Variants in MYPN observed in about 807,000 individuals in gnomAD.
MYPN encodes the protein sarcomeric protein myopalladin, 145 kDa (MYOP).
A neutral mutation model predicts 129.4 loss-of-function variants in MYPN; 63 were observed. The ratio of observed to expected loss-of-function variants is 0.49; its 90% CI spans 0.40 to 0.60. The LOEUF (loss-of-function observed/expected upper bound fraction) is 0.60, where lower values mean the gene tolerates loss of function less well. MYPN is among the 20% of genes least tolerant of loss of function. MYPN has a pLI of 0.00. For synonymous variants in MYPN, 629 were observed against 600.9 expected, an observed-to-expected ratio of 1.05 and a Z score of -0.68; for missense variants, 1,596 against 1,635.4, an observed-to-expected ratio of 0.98 and a Z score of 0.42.
At chr10:68,123,295 C>A (rs1158353587) in intron 2 of MYPN, among the ~76,000 whole-genome samples, 1 of 152,068 alleles carries the variant, frequency 6.6e-6, no homozygotes, top group East Asian at 1.9e-4. Context: ...GAGAGAATTT[C>A]TTGAACTTGG....
intron 1 of MYPN, among the ~76,000 whole-genome samples, chr10:68,098,072 C>G (rs1479395196): frequency 1.3e-5 from 2 of 152,072 alleles, no homozygotes; most frequent in East Asian, 3.9e-4. Flanking sequence ...ATGGTGAAAC[C>G]CTGTCTCTAC....
intron 2 of MYPN, among the ~76,000 whole-genome samples, chr10:68,142,541 T>C (rs2042593853): frequency 6.6e-6 from 1 of 152,210 alleles, no homozygotes. Flanking sequence ...ACGAGTGTCC[T>C]CAACTGTACG....
chr10:68,145,654 T>TAAAC (rs376105325), intron 4 of MYPN, 128 bp downstream of exon 4: 82 of 745,558 alleles, frequency 1.1e-4, no homozygotes, highest in East Asian at 6.3e-4. Context: ...AATAAATAAA[T>TAAAC]AAACAAACAA....
chr10:68,209,039 A>C (rs997870801), intron 19 of MYPN, among the ~76,000 whole-genome samples: 1 of 152,202 alleles, frequency 6.6e-6, no homozygotes, highest in African/African-American at 2.4e-5. Context: ...AGAGGTATGT[A>C]GACTGGAAAA....
chr10:68,174,418 G>A lies in MYPN; in HGVS notation c.2326G>A (p.Gly776Arg). The A allele has an allele frequency of 1.2e-6, 2 of 1,614,072 alleles. No individual in the cohort carries two copies. Among genetic ancestry groups the A allele is most frequent in the Non-Finnish European group, 1.7e-6 (2 of 1,180,024 alleles). ...SHPSVQTKSP[G>R]GLSIQNEPLP... is the part of the protein sequence containing the mutation. ...CCCCTCTGTGCAAACCAAATCTCCA[G>A]GAGGGCTTTCCATCCAAAATGAGCC... Residue 776 changes from glycine (G) to arginine (R), a missense_variant, in exon 11 of 20, where the codon GGA becomes AGA. By Grantham distance (125) the Gly-to-Arg change is moderately radical. Coordinates refer to ENST00000358913, the MANE Select transcript of MYPN (RefSeq NM_032578.4).
chr10:68,197,018 G>C (rs997045405), intron 15 of MYPN, among the ~76,000 whole-genome samples: 2 of 152,154 alleles, frequency 1.3e-5, no homozygotes, highest in East Asian at 1.9e-4. Context: ...ATTGAATACT[G>C]ATCTATTTGT....
At chr10:68,202,018 G>A (rs1414948327) in intron 18 of MYPN, 24 bp downstream of exon 18, 9 of 1,613,596 alleles carry the variant, frequency 5.6e-6, no homozygotes, top group East Asian at 2.2e-5. Flanking sequence ...CACATCCAGA[G>A]GGACTCCCAC....
Position 68,206,895 on chromosome 10 carries a change from A to G in MYPN, c.3785A>G (p.Asp1262Gly). The change falls in exon 19 of 20, where the codon GAT (aspartate) becomes GGT (glycine). Residue 1262 changes from aspartate to glycine, a missense_variant. Transcript: ENST00000358913. ...AGIVSCTARL[D>G]IYAQWHHQIP... ...ATCGTGTCGTGCACTGCCAGGCTGG[A>G]TATATACGGTAAGTGTAATGCTGTT... is the stretch of plus-strand genomic sequence containing the variant. 2 of 1,614,154 alleles carry G rather than the reference A, an allele frequency of 1.2e-6. No individual in the cohort carries two copies. The highest frequency in any genetic ancestry group is 2.2e-5 in the East Asian group (1 of 44,886).
chr10:68,126,324 A>G (rs1406889009), intron 2 of MYPN, among the ~76,000 whole-genome samples: 1 of 152,182 alleles, frequency 6.6e-6, no homozygotes, highest in Non-Finnish European at 1.5e-5. Flanking sequence ...TGGAAAGGAG[A>G]GTAGAGTCAG....
rs1371955272 is a variant in MYPN at position 68,136,647 on chromosome 10, T to C, written c.903-6293T>C. On this transcript the variant is annotated intron_variant, in intron 2 of 19. Coordinates refer to ENST00000358913, the MANE Select transcript of MYPN (RefSeq NM_032578.4). Reference sequence around the variant, plus strand: ...ATCTGAGTAAGGACAAAAACACTTCTGACAGAGAGTTTGGGCATTTGAATC... The same window carrying C: ...ATCTGAGTAAGGACAAAAACACTTCCGACAGAGAGTTTGGGCATTTGAATC... 3.3e-6 allele frequency: 5 copies of C among 1,534,602 alleles called. No individual in the cohort carries two copies. The African/African-American group carries it at 5.5e-5, about 17-fold the overall frequency.
At chr10:68,091,520 G>A (rs956825537) in intron 1 of MYPN, among the ~76,000 whole-genome samples, 3 of 148,488 alleles carry the variant, frequency 2.0e-5, no homozygotes, top group Admixed American at 1.4e-4. Flanking sequence ...TCAGCCTCTC[G>A]ATTAGCTAGG....
rs1331409608 is a variant in MYPN at position 68,174,100 on chromosome 10, G to A, written c.2008G>A (p.Val670Ile). The change falls in exon 11 of 20, where the codon GTC (valine) becomes ATC (isoleucine). Residue 670 changes from valine (V) to isoleucine (I), a missense_variant. Physicochemically the swap from Val to Ile is conservative, Grantham distance 29. Transcript: ENST00000358913. ...TCAGTTACAACAGCTTCATAACCAA[G>A]TCTTACTGGAACAACACCAATTGCA... ...STQLQQLHNQ[V>I]LLEQHQLQNP... 1.9e-6 allele frequency: 3 copies of A among 1,614,034 alleles called. No individual in the cohort carries two copies. In the Admixed American group the frequency reaches 5.0e-5, roughly 27 times the overall value.
chr10:68,172,705 G>T (rs1564679257), intron 10 of MYPN, among the ~76,000 whole-genome samples: 1 of 152,142 alleles, frequency 6.6e-6, no homozygotes, highest in South Asian at 2.1e-4. Flanking sequence ...CTAAGGCAAG[G>T]TTTATAATCA....
rs767709261 is a variant in MYPN at position 68,166,365 on chromosome 10, C to G, written c.1672C>G (p.Pro558Ala). The change falls in exon 10 of 20, where the codon CCA (proline) becomes GCA (alanine). Residue 558 changes from proline (P) to alanine (A), a missense_variant. Coordinates refer to ENST00000358913, the MANE Select transcript of MYPN (RefSeq NM_032578.4). ...TACCACCAACCTGGCAGCTATTGAGCCACAGCCCTCCCCACCCCACTCAGA... is the reference window on the plus strand; with the variant it reads ...TACCACCAACCTGGCAGCTATTGAGGCACAGCCCTCCCCACCCCACTCAGA... Reference protein sequence around the residue: ...NSTTNLAAIEPQPSPPHSEPP... With the variant: ...NSTTNLAAIEAQPSPPHSEPP... 1 of 1,614,090 alleles carries G rather than the reference C, an allele frequency of 6.2e-7. No individual in the cohort carries two copies. The highest frequency in any genetic ancestry group is 8.5e-7 in the Non-Finnish European group (1 of 1,179,994).
chr10:68,092,926 T>A (rs1390107741), intron 1 of MYPN, among the ~76,000 whole-genome samples: 1 of 152,186 alleles, frequency 6.6e-6, no homozygotes, highest in Non-Finnish European at 1.5e-5. Context: ...AACCTGCTTG[T>A]TTTCTTGGAT....
intron 18 of MYPN, among the ~76,000 whole-genome samples, chr10:68,203,620 T>C (rs1323476247): frequency 3.3e-5 from 5 of 151,868 alleles, no homozygotes; most frequent in Admixed American, 3.3e-4. Context: ...TTTGATACTT[T>C]AAACTCATAG....
At chr10:68,132,451 A>G (rs1380483702) in intron 2 of MYPN, among the ~76,000 whole-genome samples, 1 of 152,192 alleles carries the variant, frequency 6.6e-6, no homozygotes, top group Non-Finnish European at 1.5e-5. Context: ...TTTCTTTCTC[A>G]TATTTTTGTC....
At chr10:68,155,350 T>C (rs2042853990) in intron 6 of MYPN, among the ~76,000 whole-genome samples, 1 of 152,224 alleles carries the variant, frequency 6.6e-6, no homozygotes, top group South Asian at 2.1e-4. Context: ...CCCAAGTCTC[T>C]ATGTTGTCAA....
At position 68,188,798 on chromosome 10, in the gene MYPN, G is replaced by C. The variant is rs1032229266; in HGVS notation, c.2704-107G>C. ...CATACCTGGTTCATTTGGATTTCAT[G>C]GTATAAATCTAACGTCTGAATCTTA... On this transcript the variant is annotated intron_variant, in intron 12 of 19. Coordinates refer to ENST00000358913, the MANE Select transcript of MYPN (RefSeq NM_032578.4). 3 of 896,724 alleles carry C rather than the reference G, an allele frequency of 3.3e-6. No homozygotes were observed. In the African/African-American group the frequency reaches 5.0e-5, roughly 15 times the overall value. The allele number at this position is 896,724 out of a possible 1,614,324, so 55.5% of individuals were successfully genotyped here.
Sources: gnomAD v4.1 joint callset for allele counts (sites outside exome capture counted in the v4.1 genomes callset) on GRCh38, gnomAD v4.1.1 for gene constraint, MANE v1.5 for transcripts, NCBI Gene and HGNC (gene_info 2026-07-23, HGNC 2026-07-21) for gene names.